Variants in SHOX observed in about 807,000 individuals in gnomAD.
SHOX encodes short stature homeobox protein.
SHOX carries 12 observed loss-of-function variants against 29.6 expected under a neutral mutation model. The observed-to-expected ratio is 0.41, with a 90% CI of 0.26 to 0.66. The LOEUF is 0.66. Among genes scored for constraint, SHOX ranks in the 30% least tolerant of loss-of-function variants. The pLI is 0.35. For synonymous variants in SHOX, 214 were observed against 200.6 expected, an observed-to-expected ratio of 1.07 and a Z score of -0.57; for missense variants, 499 against 437.7, an observed-to-expected ratio of 1.14 and a Z score of -1.25.
rs1486470015 is a variant in SHOX at position 648,476 on chromosome X, CT to C, written c.*3843del. 2.6e-5 allele frequency among the ~76,000 whole-genome samples: 4 copies of C among 152,190 alleles called. No homozygotes were observed. The highest frequency in any genetic ancestry group is 9.7e-5 in the African/African-American group (4 of 41,444). On this transcript the variant is annotated 3_prime_UTR_variant, in exon 5 of 5. Transcript: ENST00000686671. ...TCCTGACCTCAGGTTGACCTGCCCG[CT>C]TTGTCCCTCGCAAAGTGCTGGGATT...
chrX:657,894 A>G (rs963302608), intron 5 of SHOX, among the ~76,000 whole-genome samples: 5 of 152,164 alleles, frequency 3.3e-5, no homozygotes, highest in Non-Finnish European at 7.3e-5. Flanking sequence ...GGAAATGAAT[A>G]CTGCTGTTTT....
At position 651,058 on chromosome X, in the gene SHOX, G is replaced by A. The variant is rs1402075480; in HGVS notation, c.*6422G>A. Among the ~76,000 whole-genome samples the A allele has an allele frequency of 6.6e-6, 1 of 151,984 alleles. No homozygotes were observed. Among genetic ancestry groups the A allele is most frequent in the Admixed American group, 6.6e-5 (1 of 15,258 alleles). On this transcript the variant is annotated 3_prime_UTR_variant, in exon 5 of 5. Coordinates refer to ENST00000686671, the MANE Select transcript of SHOX (RefSeq NM_000451.4). Reference sequence around the variant, plus strand: ...TACGTGCAGGTCCCGTGGGAAGGAGGCAAAAGCCCCTGCTTCTTACTTTGT... The same window carrying A: ...TACGTGCAGGTCCCGTGGGAAGGAGACAAAAGCCCCTGCTTCTTACTTTGT...
intron 4 of SHOX, among the ~76,000 whole-genome samples, chrX:643,914 CCTTGGAGAGGCTTGGGGACCTGGTGAT>C (rs913824087): frequency 6.8e-5 from 10 of 148,066 alleles, no homozygotes; most frequent in African/African-American, 2.5e-4. Context: ...GACCAGGTGA[CCTTGGAGAGGCTTGGGGACCTGGTGAT>C]CTTGGAGAGG....
At chrX:652,462 G>T (rs1240511449), downstream of SHOX, among the ~76,000 whole-genome samples, 1 of 151,426 alleles carries the variant, frequency 6.6e-6, no homozygotes, top group African/African-American at 2.4e-5. Flanking sequence ...TGGGAGGGAA[G>T]TGGGGGAGGG....
intron 1 of SHOX, among the ~76,000 whole-genome samples, chrX:634,095 G>GCTGTT (rs1481523397): frequency 6.6e-6 from 1 of 152,236 alleles, no homozygotes; most frequent in Non-Finnish European, 1.5e-5. Flanking sequence ...CTGCTGTTCT[G>GCTGTT]CTGAGAAACA....
upstream of SHOX, among the ~76,000 whole-genome samples, chrX:628,561 A>C (rs868789175): frequency 0.041 from 598 of 14,610 alleles, no homozygotes; most frequent in Middle Eastern, 0.12. Flanking sequence ...TTCTCTCTCT[A>C]TCTCTCCCTC....
At chrX:652,882 C>CCTTGATCAAG (rs111482286), downstream of SHOX, among the ~76,000 whole-genome samples, 1 of 151,590 alleles carries the variant, frequency 6.6e-6, no homozygotes. Context: ...CCATCTCCAG[C>CCTTGATCAAG]CTGTTTTTTA....
downstream of SHOX, among the ~76,000 whole-genome samples, chrX:652,140 G>A (rs1239947448): frequency 1.3e-5 from 2 of 152,144 alleles, no homozygotes; most frequent in Admixed American, 6.5e-5. Flanking sequence ...GGTCAGGCTG[G>A]TCTCGAACTC....
chrX:656,466 C>T, downstream of SHOX, among the ~76,000 whole-genome samples: 1 of 152,102 alleles, frequency 6.6e-6, no homozygotes, highest in Non-Finnish European at 1.5e-5. Flanking sequence ...TCCCGGTACT[C>T]TGGGAGGCTG....
intron 2 of SHOX, among the ~76,000 whole-genome samples, chrX:635,426 G>A (rs2052728027): frequency 6.6e-6 from 1 of 152,166 alleles, no homozygotes; most frequent in Non-Finnish European, 1.5e-5. Flanking sequence ...GAGAAACAGG[G>A]TCTTCTCTTT....
chrX:626,401 A>C (rs1234243818), upstream of SHOX, among the ~76,000 whole-genome samples: 13 of 74,402 alleles, frequency 1.7e-4, no homozygotes, highest in South Asian at 8.3e-4. Context: ...CTGTATCTCT[A>C]TCTCTGTCTC....
chrX:631,746 G>T (rs1312438361), intron 1 of SHOX, among the ~76,000 whole-genome samples: 1 of 152,316 alleles, frequency 6.6e-6, no homozygotes, highest in Admixed American at 6.5e-5. Context: ...TGGCCAGGCT[G>T]GTCTCGAACT....
At position 649,842 on chromosome X, in the gene SHOX, T is replaced by G; in HGVS notation, c.*5206T>G. ...CGTGGAGGGTTGTCAGTCGCCGCAG[T>G]TGAGCAAAAAACACTTCTTCCTTTG... is the stretch of plus-strand genomic sequence containing the variant. On this transcript the variant is annotated 3_prime_UTR_variant, in exon 5 of 5. Coordinates refer to ENST00000686671, the MANE Select transcript of SHOX (RefSeq NM_000451.4). 1 of 452,828 alleles carries G rather than the reference T, an allele frequency of 2.2e-6. No individual in the cohort carries two copies. Among genetic ancestry groups the G allele is most frequent in the Non-Finnish European group, 4.4e-6 (1 of 225,182 alleles). The allele number at this position is 452,828 out of a possible 1,614,324, so 28.1% of individuals were successfully genotyped here. A position where few individuals can be genotyped will look rare whatever the true frequency, so the allele number is the denominator to read the frequency against.
chrX:644,450 C>T lies in SHOX; in HGVS notation c.693C>T (p.His231=). ...ACGCGCACCCGCACCTGCACCCGCACCTGGCGGCGCACGCGCCCTACCTGA... is the reference window on the plus strand; with the variant it reads ...ACGCGCACCCGCACCTGCACCCGCATCTGGCGGCGCACGCGCCCTACCTGA... ...VAHAHPHLHP[H]LAAHAPYLMF... Residue 231 remains histidine, a synonymous_variant, in exon 5 of 5, where the codon CAC becomes CAT. Coordinates refer to ENST00000686671, the MANE Select transcript of SHOX (RefSeq NM_000451.4). The T allele has an allele frequency of 6.6e-7, 1 of 1,522,670 alleles. No homozygotes were observed. Among genetic ancestry groups the T allele is most frequent in the Non-Finnish European group, 8.8e-7 (1 of 1,142,590 alleles). 94.3% of individuals were successfully genotyped at this position (1,522,670 alleles called of 1,614,324 possible).
rs982911132 is a variant in SHOX, at chrX:649,397, T to G, written c.*4761T>G. ...TGGGCTGATGGGGACCCTCTGTATG[T>G]GATGTGCGTGGGTTTGGTTTCCCGG... On this transcript the variant is annotated 3_prime_UTR_variant, in exon 5 of 5. Coordinates refer to ENST00000686671, the MANE Select transcript of SHOX (RefSeq NM_000451.4). Among the ~76,000 whole-genome samples, 35 of 152,068 alleles carry G rather than the reference T, an allele frequency of 2.3e-4. No homozygotes were observed. Among genetic ancestry groups the G allele is most frequent in the Non-Finnish European group, 4.3e-4 (29 of 68,008 alleles).
At position 630,822 on chromosome X, in the gene SHOX, G is replaced by T; in HGVS notation, c.-76G>T. ...AACAGCGCTGGTGATCCACCCGCGC[G>T]CACGGGCCGTCCTCTCCGCGCGGGG... On this transcript the variant is annotated 5_prime_UTR_variant, in exon 1 of 5. Coordinates refer to ENST00000686671, the MANE Select transcript of SHOX (RefSeq NM_000451.4). 8 of 1,570,012 alleles carry T rather than the reference G, an allele frequency of 5.1e-6. No homozygotes were observed. The highest frequency in any genetic ancestry group is 1.4e-5 in the African/African-American group (1 of 73,826).
Position 640,917 on chromosome X carries a change from C to A in SHOX, c.544+39C>A, listed in dbSNP as rs1447211782. ...CTGGGGGGACCTGAAGCTGGGGGAT[C>A]CTGCTCCAGGAGGGATGGGGTCGAC... On this transcript the variant is annotated intron_variant, in intron 3 of 4. Transcript: ENST00000686671. The A allele has an allele frequency of 1.9e-6, 3 of 1,613,562 alleles. No individual in the cohort carries two copies. In the African/African-American group the frequency reaches 4.0e-5, roughly 22 times the overall value.
chrX:634,817 G>T lies in SHOX; in HGVS notation c.477G>T (p.Ala159=), dbSNP rs755267491. ...ELSQRLGLSE[A]RVQVWFQNRR... is the part of the protein sequence containing the mutation. The stretch of plus-strand genomic sequence containing the variant: ...GCCAGCGCCTGGGGCTCTCCGAGGC[G>T]CGCGTGCAGGTAGGAACCCGGGGGC... Residue 159 remains alanine, a synonymous_variant, in exon 2 of 5, where the codon GCG becomes GCT. Transcript: ENST00000686671. 6.4e-7 allele frequency: 1 copy of T among 1,569,512 alleles called. No individual in the cohort carries two copies. Among genetic ancestry groups the T allele is most frequent in the Admixed American group, 1.9e-5 (1 of 52,700 alleles).
At position 649,722 on chromosome X, in the gene SHOX, G is replaced by A. The variant is rs1361087483; in HGVS notation, c.*5086G>A. Among the ~76,000 whole-genome samples, 2 of 152,142 alleles carry A rather than the reference G, an allele frequency of 1.3e-5. No individual in the cohort carries two copies. The highest frequency in any genetic ancestry group is 4.8e-5 in the African/African-American group (2 of 41,456). ...CCGTACCAGCTCCAGCACACTGATA[G>A]GAACACGTTGCTGGCCGAACTGAAC... On this transcript the variant is annotated 3_prime_UTR_variant, in exon 5 of 5. Coordinates refer to ENST00000686671, the MANE Select transcript of SHOX (RefSeq NM_000451.4).
Sources: allele counts gnomAD v4.1 joint callset (sites outside exome capture counted in the v4.1 genomes callset), GRCh38; gene constraint gnomAD v4.1.1; transcripts MANE v1.5; gene names NCBI Gene and HGNC (gene_info 2026-07-23, HGNC 2026-07-21).